RFWD3: variants seen among roughly 807,000 people sequenced by gnomAD.
RFWD3 encodes ring finger and WD repeat domain 3, also known as E3 ubiquitin-protein ligase RFWD3.
A neutral mutation model predicts 87.7 loss-of-function variants in RFWD3; 65 were observed. The observed-to-expected ratio is 0.74, with a 90% confidence interval of 0.61 to 0.91. The LOEUF is 0.91. Among genes scored for constraint, RFWD3 ranks in the 40% least tolerant of loss-of-function variants. The probability of loss-of-function intolerance (pLI) is 0.00; values close to 1 mark genes in which losing one functional copy is unlikely to be tolerated. For missense variants in RFWD3, 1,078 were observed against 938.5 expected (o/e 1.15, Z -1.94); for synonymous variants, 433 against 352.8 (o/e 1.23, Z -2.55).
chr16:74,659,774 T>C (rs1259444039), intron 2 of RFWD3, among the ~76,000 whole-genome samples: 4 of 152,164 alleles, frequency 2.6e-5, no homozygotes, highest in Non-Finnish European at 4.4e-5. Flanking sequence ...GAAGGCACAA[T>C]TCCAATTCCA....
rs1313256893 is a variant in RFWD3, at chr16:74,623,495, AGAC to A, written c.*430_*432del. On this transcript the variant is annotated 3_prime_UTR_variant, in exon 13 of 13. Transcript: ENST00000361070. ...TCTACGTTGCATCAAATCAGTACCAAGACGATGGTTAGTCCCTTCAAGGATACT... is the reference window on the plus strand; with the variant it reads ...TCTACGTTGCATCAAATCAGTACCAAGATGGTTAGTCCCTTCAAGGATACT... 1 of 161,056 alleles carries A rather than the reference AGAC, an allele frequency of 6.2e-6. No individual in the cohort carries two copies. The highest frequency in any genetic ancestry group is 1.4e-5 in the Non-Finnish European group (1 of 74,008). 10.0% of individuals were successfully genotyped at this position (161,056 alleles called of 1,614,324 possible). A position where few individuals can be genotyped will look rare whatever the true frequency, so the allele number is the denominator to read the frequency against.
chr16:74,647,374 G>A (rs1350515767), intron 4 of RFWD3, among the ~76,000 whole-genome samples: 5 of 151,768 alleles, frequency 3.3e-5, no homozygotes, highest in South Asian at 2.1e-4. Context: ...CACAACCTCC[G>A]CCTCTCAGAT....
intron 6 of RFWD3, among the ~76,000 whole-genome samples, chr16:74,638,453 C>T (rs144458965): frequency 6.8e-4 from 103 of 152,086 alleles, no homozygotes; most frequent in African/African-American, 2.3e-3. Context: ...ATAGGCATAA[C>T]GAGGAACAAT....
intron 6 of RFWD3, among the ~76,000 whole-genome samples, chr16:74,643,818 G>A (rs1022653666): frequency 1.3e-5 from 2 of 151,996 alleles, no homozygotes; most frequent in African/African-American, 2.4e-5. Flanking sequence ...TGGGATTACA[G>A]GCGTCCGCCA....
intron 2 of RFWD3, among the ~76,000 whole-genome samples, chr16:74,658,370 G>A (rs1476770321): frequency 6.6e-6 from 1 of 152,192 alleles, no homozygotes; most frequent in Admixed American, 6.5e-5. Flanking sequence ...CCTCAGCTAA[G>A]CCTGTTGGGA....
At position 74,666,831 on chromosome 16, in the gene RFWD3, T is replaced by C. The variant is rs1361046306; in HGVS notation, c.-48A>G. On this transcript the variant is annotated 5_prime_UTR_variant, in exon 1 of 13. Transcript: ENST00000361070. Reference sequence around the variant, plus strand: ...CCGGGCTCGCGAGCCCGCCGAAGACTCGGTAGTTACCTCGGCCGCACTCCG... The same window carrying C: ...CCGGGCTCGCGAGCCCGCCGAAGACCCGGTAGTTACCTCGGCCGCACTCCG... 3 of 152,416 alleles carry C rather than the reference T, an allele frequency of 2.0e-5. No individual in the cohort carries two copies. Among genetic ancestry groups the C allele is most frequent in the African/African-American group, 4.8e-5 (2 of 41,424 alleles). 9.4% of individuals were successfully genotyped at this position (152,416 alleles called of 1,614,324 possible).
intron 6 of RFWD3, among the ~76,000 whole-genome samples, chr16:74,639,831 G>C (rs1028788927): frequency 6.6e-6 from 1 of 152,168 alleles, no homozygotes; most frequent in Non-Finnish European, 1.5e-5. Context: ...AAAGAGTACA[G>C]TGTCTCCTTA....
chr16:74,666,648 C>G (rs1961952150), intron 1 of RFWD3, 138 bp downstream of exon 1: 1 of 152,336 alleles, frequency 6.6e-6, no homozygotes, highest in African/African-American at 2.4e-5. Context: ...CGAATCCCCT[C>G]AGGCCGCCGG....
intron 4 of RFWD3, among the ~76,000 whole-genome samples, chr16:74,645,745 C>CT (rs71376293): frequency 0.12 from 9,089 of 74,174 alleles, 796 homozygotes; most frequent in Admixed American, 0.2. Flanking sequence ...CAAATATTTT[C>CT]TTTTTTTTTT....
At chr16:74,644,849 C>T (rs1959998796) in intron 4 of RFWD3, 114 bp from the exon 5 acceptor site, 4 of 883,314 alleles carry the variant, frequency 4.5e-6, no homozygotes, top group Non-Finnish European at 6.9e-6. Context: ...ATCAAAAGGG[C>T]TACAGAACAC....
In RFWD3 at chr16:74,626,392, T is replaced by C. The variant is rs1958932537; in HGVS notation, c.2132A>G (p.Asp711Gly). The C allele has an allele frequency of 6.2e-7, 1 of 1,614,224 alleles. No homozygotes were observed. Among genetic ancestry groups the C allele is most frequent in the East Asian group, 2.2e-5 (1 of 44,888 alleles). ...CCCAGTACACACCAGGATGTTGCCA[T>C]CATTCTCTGGGCTTTGGAAAATGGC... is the stretch of plus-strand genomic sequence containing the variant. ...KNAIFQSPEN[D>G]GNILVCTGDE... The change falls in exon 12 of 13, where the codon GAT becomes GGT. Residue 711 changes from aspartate (D) to glycine (G), a missense_variant. Coordinates refer to ENST00000361070, the MANE Select transcript of RFWD3 (RefSeq NM_018124.4).
intron 4 of RFWD3, among the ~76,000 whole-genome samples, chr16:74,645,418 C>T (rs72792716): frequency 0.12 from 18,088 of 152,242 alleles, 1,215 homozygotes; most frequent in Middle Eastern, 0.17. Flanking sequence ...TAGGCGATTT[C>T]GTCATTGAAT....
chr16:74,660,837 C>A lies in RFWD3; in HGVS notation c.518+95G>T, dbSNP rs1292888028. The A allele has an allele frequency of 8.4e-6, 12 of 1,434,846 alleles. No individual in the cohort carries two copies. In the South Asian group the frequency reaches 1.5e-4, roughly 18 times the overall value. 88.9% of individuals were successfully genotyped at this position (1,434,846 alleles called of 1,614,324 possible). A position where few individuals can be genotyped will look rare whatever the true frequency, so the allele number is the denominator to read the frequency against. ...TGGGGGTCAGAAGTTACCTGACTTG[C>A]CAAAAGTCACACTGTCAGTCCTTGA... On this transcript the variant is annotated intron_variant, in intron 2 of 12. Transcript: ENST00000361070.
chr16:74,639,359 A>G (rs1339801384), intron 6 of RFWD3, among the ~76,000 whole-genome samples: 1 of 152,216 alleles, frequency 6.6e-6, no homozygotes, highest in Non-Finnish European at 1.5e-5. Flanking sequence ...TTCAATGATT[A>G]CAACATCACT....
chr16:74,647,882 G>A (rs1277336090), intron 4 of RFWD3, among the ~76,000 whole-genome samples: 4 of 152,122 alleles, frequency 2.6e-5, no homozygotes, highest in African/African-American at 7.2e-5. Context: ...ATGGGCCACC[G>A]CGCCCAGCCC....
intron 6 of RFWD3, among the ~76,000 whole-genome samples, chr16:74,642,295 T>C (rs2144174835): frequency 6.6e-6 from 1 of 152,122 alleles, no homozygotes; most frequent in East Asian, 1.9e-4. Context: ...GATAATTTTT[T>C]GTATTTTTAG....
At chr16:74,659,876 C>T (rs1961290321) in intron 2 of RFWD3, among the ~76,000 whole-genome samples, 1 of 152,162 alleles carries the variant, frequency 6.6e-6, no homozygotes, top group Admixed American at 6.5e-5. Flanking sequence ...TTTTTAGTAT[C>T]ATCTCAATAT....
intron 2 of RFWD3, among the ~76,000 whole-genome samples, chr16:74,654,073 C>T (rs1426159838): frequency 6.6e-6 from 1 of 151,828 alleles, no homozygotes; most frequent in Non-Finnish European, 1.5e-5. Flanking sequence ...ATAATCATAA[C>T]CATTATCTGG....
rs376662428 is a variant in RFWD3 at position 74,632,394 on chromosome 16, A to AAAAAC, written c.1577+124_1577+128dup. 5.3e-5 allele frequency: 61 copies of AAAAAC among 1,157,346 alleles called. No homozygotes were observed. The African/African-American group carries it at 7.3e-4, about 14-fold the overall frequency. The allele number at this position is 1,157,346 out of a possible 1,614,324, so 71.7% of individuals were successfully genotyped here. A position where few individuals can be genotyped will look rare whatever the true frequency, so the allele number is the denominator to read the frequency against. Reference sequence around the variant, plus strand: ...GTGACAGAGCGAGACTCCATCTCAAAAAAACAAAACAAAACAAAACAACAA... The same window carrying AAAAAC: ...GTGACAGAGCGAGACTCCATCTCAAAAAAACAAAACAAAACAAAACAAAACAACAA... On this transcript the variant is annotated intron_variant, in intron 9 of 12. Coordinates refer to ENST00000361070, the MANE Select transcript of RFWD3 (RefSeq NM_018124.4).
Sources: allele counts gnomAD v4.1 joint callset (sites outside exome capture counted in the v4.1 genomes callset), GRCh38; gene constraint gnomAD v4.1.1; transcripts MANE v1.5; gene names NCBI Gene and HGNC (gene_info 2026-07-23, HGNC 2026-07-21).